The following UTP11 variants were observed in gnomAD, a reference collection of about 807,000 sequenced individuals.
UTP11 encodes the protein probable U3 small nucleolar RNA-associated protein 11.
A neutral mutation model predicts 39.0 loss-of-function variants in UTP11; 29 were observed. The observed-to-expected ratio is 0.74, with a 90% CI of 0.55 to 1.01. The LOEUF is 1.01. Ranked by LOEUF, UTP11 falls within the 50% of genes least tolerant of loss-of-function variation. The pLI, the probability that UTP11 is intolerant of heterozygous loss-of-function variation, is 0.00. For missense variants in UTP11, 281 were observed against 306.0 expected (o/e 0.92, Z 0.61); for synonymous variants, 111 against 105.0 (o/e 1.06, Z -0.35).
chr1:38,024,471 C>T lies in UTP11; in HGVS notation c.*843C>T, dbSNP rs961243976. On this transcript the variant is annotated 3_prime_UTR_variant, in exon 8 of 8. Transcript: ENST00000373014. ...ACTGCGGACTGCAGTGGCGCAATCT[C>T]GGCTCACTGCAAGCTCCGCTTCCCG... is the stretch of plus-strand genomic sequence containing the variant. 16 of 147,132 alleles carry T rather than the reference C, an allele frequency of 1.1e-4. No individual in the cohort carries two copies. In the East Asian group the frequency reaches 1.2e-3, roughly 11 times the overall value. 9.1% of individuals were successfully genotyped at this position (147,132 alleles called of 1,614,324 possible).
At position 38,018,517 on chromosome 1, in the gene UTP11, A is replaced by G; in HGVS notation, c.282A>G (p.Leu94=). ...AGGAAGAAGTAACCCCAGAACAACT[A>G]AAGCTGATGAGAACTCAGGACGTCA... is the stretch of plus-strand genomic sequence containing the variant. ...ETKEEVTPEQ[L]KLMRTQDVKY... Residue 94 remains leucine (L), a synonymous_variant, in exon 4 of 8, where the codon CTA becomes CTG. Transcript: ENST00000373014. 6.2e-7 allele frequency: 1 copy of G among 1,613,976 alleles called. No individual in the cohort carries two copies. Among genetic ancestry groups the G allele is most frequent in the Non-Finnish European group, 8.5e-7 (1 of 1,179,934 alleles).
chr1:38,017,993 T>C (rs1015739675), intron 3 of UTP11, among the ~76,000 whole-genome samples: 2 of 152,158 alleles, frequency 1.3e-5, no homozygotes, highest in South Asian at 2.1e-4. Context: ...CTAGGACAGA[T>C]GACTGGAGGT....
At chr1:38,017,878 G>T in intron 3 of UTP11, 108 bp downstream of exon 3, 1 of 926,028 alleles carries the variant, frequency 1.1e-6, no homozygotes, top group Non-Finnish European at 1.6e-6. Flanking sequence ...ACCCTTCTCT[G>T]GTTACTCCAG....
Position 38,016,401 on chromosome 1 carries a change from G to T in UTP11, c.106G>T (p.Asp36Tyr). Reference protein sequence around the residue: ...KHLGLLEKKKDYKLRADDYRK... With the variant: ...KHLGLLEKKKYYKLRADDYRK... Reference sequence around the variant, plus strand: ...TCTGGGCCTGCTGGAGAAAAAGAAAGATTACAAACTTCGTGCAGAGTGAGT... The same window carrying T: ...TCTGGGCCTGCTGGAGAAAAAGAAATATTACAAACTTCGTGCAGAGTGAGT... Residue 36 changes from aspartate (D) to tyrosine (Y), a missense_variant, in exon 2 of 8, where the codon GAT (aspartate) becomes TAT (tyrosine). Transcript: ENST00000373014. 6.2e-7 allele frequency: 1 copy of T among 1,614,204 alleles called. No homozygotes were observed. Among genetic ancestry groups the T allele is most frequent in the Non-Finnish European group, 8.5e-7 (1 of 1,180,020 alleles).
intron 2 of UTP11, 53 bp from the exon 3 acceptor site, chr1:38,017,615 A>C: frequency 7.2e-7 from 1 of 1,394,630 alleles, no homozygotes; most frequent in Non-Finnish European, 9.6e-7. Context: ...TGGTTTTTTA[A>C]AATTATCTAT....
At chr1:38,019,598 C>T (rs1176506207) in intron 6 of UTP11, among the ~76,000 whole-genome samples, 1 of 152,050 alleles carries the variant, frequency 6.6e-6, no homozygotes, top group Admixed American at 6.6e-5. Context: ...ATTCTCATGC[C>T]TCAGCCTCCC....
chr1:38,021,899 A>T (rs1270650950), intron 6 of UTP11, among the ~76,000 whole-genome samples: 1 of 152,066 alleles, frequency 6.6e-6, no homozygotes, highest in Middle Eastern at 3.2e-3. Context: ...CCTCAGAAAA[A>T]AAAAAAAAAG....
intron 4 of UTP11, 65 bp from the exon 5 acceptor site, chr1:38,018,992 AGT>A: frequency 9.3e-7 from 1 of 1,076,182 alleles, no homozygotes; most frequent in Non-Finnish European, 1.4e-6. Flanking sequence ...AAACTTTTGC[AGT>A]TTTTTTTTTT....
chr1:38,013,742 TCTCA>T (rs1243923003), intron 1 of UTP11, among the ~76,000 whole-genome samples: 1 of 151,740 alleles, frequency 6.6e-6, no homozygotes, highest in Non-Finnish European at 1.5e-5. Context: ...TGAGATGGAG[TCTCA>T]CTCTGTTGCC....
chr1:38,017,774 G>T lies in UTP11; in HGVS notation c.228+4G>T, dbSNP rs765327262. On this transcript the variant is annotated splice_donor_region_variant and intron_variant, in intron 3 of 7. Coordinates refer to ENST00000373014, the MANE Select transcript of UTP11 (RefSeq NM_016037.4). ...AATGACTCGGGTTAAACTCCAGGTG[G>T]GTGCCCAATGGCTTGGTTGGTGTTT... is the stretch of plus-strand genomic sequence containing the variant. 1 of 1,601,794 alleles carries T rather than the reference G, an allele frequency of 6.2e-7. No homozygotes were observed. Among genetic ancestry groups the T allele is most frequent in the South Asian group, 1.1e-5 (1 of 88,374 alleles).
intron 3 of UTP11, 118 bp downstream of exon 3, chr1:38,017,888 G>T: frequency 3.4e-6 from 3 of 876,220 alleles, no homozygotes; most frequent in Non-Finnish European, 5.2e-6. Flanking sequence ...GGTTACTCCA[G>T]GTGCTCTTGG....
Position 38,019,305 on chromosome 1 carries a change from C to CA in UTP11, c.490dup (p.Arg164LysfsTer4), listed in dbSNP as rs1238485698. 1 of 1,614,082 alleles carries CA rather than the reference C, an allele frequency of 6.2e-7. No individual in the cohort carries two copies. The highest frequency in any genetic ancestry group is 1.1e-5 in the South Asian group (1 of 91,080). On this transcript the variant is annotated frameshift_variant, in exon 6 of 8. Transcript: ENST00000373014. LOFTEE classifies it high-confidence loss of function. The stretch of plus-strand genomic sequence containing the variant: ...TGCAAACAGCCCCGGAGCTAGTCGA[C>CA]AGAGTCTTTAATAGGCCCAGGATAG...
intron 1 of UTP11, among the ~76,000 whole-genome samples, chr1:38,016,003 G>A (rs1333740741): frequency 1.3e-5 from 2 of 152,210 alleles, no homozygotes; most frequent in Non-Finnish European, 2.9e-5. Context: ...TTGCCTCCCT[G>A]TTACTATGTT....
intron 1 of UTP11, among the ~76,000 whole-genome samples, chr1:38,015,795 T>C (rs1392143909): frequency 6.6e-6 from 1 of 152,194 alleles, no homozygotes; most frequent in Non-Finnish European, 1.5e-5. Context: ...TGTCAAGCCA[T>C]GTGCAGGCAT....
intron 1 of UTP11, among the ~76,000 whole-genome samples, chr1:38,013,430 A>G (rs1258102567): frequency 6.6e-6 from 1 of 152,226 alleles, no homozygotes; most frequent in African/African-American, 2.4e-5. Flanking sequence ...TGACTTGTCC[A>G]GTTACAAACA....
intron 1 of UTP11, among the ~76,000 whole-genome samples, chr1:38,015,740 A>G (rs752582429): frequency 3.9e-5 from 6 of 152,208 alleles, no homozygotes; most frequent in Non-Finnish European, 8.8e-5. Flanking sequence ...ACTGAGTACC[A>G]CAAGTATAAT....
Position 38,024,614 on chromosome 1 carries a change from A to G in UTP11, c.*986A>G, listed in dbSNP as rs960811998. 1 of 151,046 alleles carries G rather than the reference A, an allele frequency of 6.6e-6. No homozygotes were observed. The highest frequency in any genetic ancestry group is 2.0e-4 in the East Asian group (1 of 5,124). 9.4% of individuals were successfully genotyped at this position (151,046 alleles called of 1,614,324 possible). ...AGTAGAGACGGGGTTTCACCTTGTT[A>G]GCCAGGATGGTCTCGATCTCCTGAC... On this transcript the variant is annotated 3_prime_UTR_variant, in exon 8 of 8. Coordinates refer to ENST00000373014, the MANE Select transcript of UTP11 (RefSeq NM_016037.4).
chr1:38,022,468 A>G (rs1046194579), intron 6 of UTP11, among the ~76,000 whole-genome samples: 3 of 152,056 alleles, frequency 2.0e-5, no homozygotes, highest in African/African-American at 4.8e-5. Context: ...CAGCCTCCCA[A>G]AGTGCTGGGA....
At chr1:38,013,049 G>T (rs1474442332) in intron 1 of UTP11, among the ~76,000 whole-genome samples, 184 bp downstream of exon 1, 1 of 152,210 alleles carries the variant, frequency 6.6e-6, no homozygotes, top group African/African-American at 2.4e-5. Flanking sequence ...GGGATTTGTC[G>T]TTTCCGTTCT....
Sources: gnomAD v4.1 joint callset for allele counts (sites outside exome capture counted in the v4.1 genomes callset) on GRCh38, gnomAD v4.1.1 for gene constraint, MANE v1.5 for transcripts, NCBI Gene and HGNC (gene_info 2026-07-23, HGNC 2026-07-21) for gene names.